EGF: variants seen among roughly 807,000 people sequenced by gnomAD.
EGF encodes epidermal growth factor, also known as pro-epidermal growth factor.
Under a neutral mutation model 143.8 loss-of-function variants are expected in EGF, and 95 were observed. The ratio of observed to expected loss-of-function variants is 0.66; its 90% CI spans 0.56 to 0.78. The LOEUF (loss-of-function observed/expected upper bound fraction) is 0.78, where lower values mean the gene tolerates loss of function less well. Ranked by LOEUF, EGF falls within the 30% of genes least tolerant of loss-of-function variation. The pLI is 0.00. For synonymous variants in EGF, 510 were observed against 510.5 expected (o/e 1.00, Z 0.01); for missense variants, 1,320 against 1,470.9 (o/e 0.90, Z 1.68).
intron 5 of EGF, among the ~76,000 whole-genome samples, chr4:109,947,400 A>G (rs1347284814): frequency 1.3e-5 from 2 of 150,684 alleles, no homozygotes; most frequent in South Asian, 4.2e-4. Context: ...TTTAAGATGG[A>G]GTCTTGCTCT....
chr4:109,987,719 T>A (rs377069383), intron 16 of EGF, 25 bp from the exon 17 acceptor site: 2 of 1,577,864 alleles, frequency 1.3e-6, no homozygotes, highest in African/African-American at 2.7e-5. Flanking sequence ...TAGAAATAAC[T>A]GCACGGGATT....
intron 9 of EGF, 62 bp downstream of exon 9, chr4:109,963,360 T>C (rs1438911166): frequency 1.2e-6 from 2 of 1,608,168 alleles, no homozygotes; most frequent in African/African-American, 1.3e-5. Context: ...ATCTTTTGTT[T>C]AGAAAGATGG....
chr4:109,919,303 C>G (rs922960422), intron 1 of EGF, among the ~76,000 whole-genome samples: 1,682 of 135,518 alleles, frequency 0.012, 27 homozygotes, highest in African/African-American at 0.045. Flanking sequence ...CTCTCTCTCT[C>G]TCTCTCTCTC....
intron 23 of EGF, among the ~76,000 whole-genome samples, chr4:110,008,478 G>A (rs904020349): frequency 8.5e-5 from 13 of 152,166 alleles, no homozygotes; most frequent in Admixed American, 3.3e-4. Context: ...CTTGCACTTT[G>A]AGCAAGAACA....
chr4:109,941,004 A>C lies in EGF; in HGVS notation c.186A>C (p.Glu62Asp). The C allele has an allele frequency of 1.2e-6, 2 of 1,614,112 alleles. No homozygotes were observed. The highest frequency in any genetic ancestry group is 1.7e-6 in the Non-Finnish European group (2 of 1,179,984). The change falls in exon 2 of 24, where the codon GAA becomes GAC. Residue 62 changes from glutamate (E) to aspartate (D), a missense_variant. Physicochemically the swap from Glu to Asp is conservative, Grantham distance 45 (BLOSUM62 2). Coordinates refer to ENST00000265171, the MANE Select transcript of EGF (RefSeq NM_001963.6). ...HGNSIFRIDT[E>D]GTNYEQLVVD... Reference sequence around the variant, plus strand: ...ATAGTATCTTTAGGATTGACACAGAAGGAACCAATTATGAGCAATTGGTGG... The same window carrying C: ...ATAGTATCTTTAGGATTGACACAGACGGAACCAATTATGAGCAATTGGTGG...
At chr4:109,990,400 G>A (rs1191329589) in intron 18 of EGF, among the ~76,000 whole-genome samples, 2 of 152,292 alleles carry the variant, frequency 1.3e-5, no homozygotes, top group East Asian at 3.9e-4. Flanking sequence ...AGATTTCAGG[G>A]AGGAAGTGTC....
At position 109,945,082 on chromosome 4, in the gene EGF, G is replaced by T; in HGVS notation, c.747G>T (p.Leu249Phe). The change falls in exon 5 of 24, where the codon TTG becomes TTT. Residue 249 changes from leucine (L) to phenylalanine (F), a missense_variant. By Grantham distance (22) the Leu-to-Phe change is conservative. Coordinates refer to ENST00000265171, the MANE Select transcript of EGF (RefSeq NM_001963.6). Reference protein sequence around the residue: ...HISKHPTQHNLFAMSLFGDRI... With the variant: ...HISKHPTQHNFFAMSLFGDRI... ...TGTGGTTGCTTTTTAGGCATAATTT[G>T]TTTGCAATGTCCCTTTTTGGTGACC... The T allele has an allele frequency of 1.2e-6, 2 of 1,614,054 alleles. No homozygotes were observed. Among genetic ancestry groups the T allele is most frequent in the Non-Finnish European group, 1.7e-6 (2 of 1,179,992 alleles).
chr4:110,008,282 G>A (rs1477865410), intron 23 of EGF, 52 bp downstream of exon 23: 1 of 1,601,800 alleles, frequency 6.2e-7, no homozygotes, highest in Admixed American at 1.7e-5. Context: ...CTTAGATCCT[G>A]ACTGTTTTTC....
Position 109,993,377 on chromosome 4 carries a change from G to A in EGF, c.2857+8G>A. On this transcript the variant is annotated splice_region_variant and intron_variant, in intron 19 of 23. Coordinates refer to ENST00000265171, the MANE Select transcript of EGF (RefSeq NM_001963.6). ...CAGGACTGATTTGCCCTGGTAGGTT[G>A]GTGGGTGGTCTACAGTGAAGGGGAG... 6.2e-7 allele frequency: 1 copy of A among 1,613,088 alleles called. No individual in the cohort carries two copies. Among genetic ancestry groups the A allele is most frequent in the Non-Finnish European group, 8.5e-7 (1 of 1,179,558 alleles).
At position 109,943,922 on chromosome 4, in the gene EGF, A is replaced by T. The variant is rs757775061; in HGVS notation, c.590A>T (p.Glu197Val). The part of the protein sequence containing the change: ...LDGVGVKALL[E>V]TSEKITAVSL... ...GGTGTGGGAGTGAAGGCTCTGTTGG[A>T]GACATCAGAGAAAATAACAGCTGTG... The change falls in exon 4 of 24, where the codon GAG becomes GTG. Residue 197 changes from glutamate to valine, a missense_variant. By Grantham distance (121) the Glu-to-Val change is moderately radical. Transcript: ENST00000265171. The T allele has an allele frequency of 6.8e-6, 11 of 1,614,184 alleles. No individual in the cohort carries two copies. In the South Asian group the frequency reaches 8.8e-5, roughly 13 times the overall value.
rs965412930 is a variant in EGF, at chr4:110,012,213, T to C, written c.*758T>C. ...TAAATTGCCTGATTTGTTTTCATTA[T>C]AGACAACGATGAATTTCTTCTAATT... On this transcript the variant is annotated 3_prime_UTR_variant, in exon 24 of 24. Transcript: ENST00000265171. 3.3e-5 allele frequency: 5 copies of C among 152,242 alleles called. No individual in the cohort carries two copies. Among genetic ancestry groups the C allele is most frequent in the African/African-American group, 7.2e-5 (3 of 41,464 alleles). The allele number at this position is 152,242 out of a possible 1,614,324, so 9.4% of individuals were successfully genotyped here.
At chr4:109,975,477 C>T (rs1281886540) in intron 12 of EGF, among the ~76,000 whole-genome samples, 1 of 152,072 alleles carries the variant, frequency 6.6e-6, no homozygotes, top group Non-Finnish European at 1.5e-5. Flanking sequence ...AAATTATGAA[C>T]CATATTGACT....
Position 109,923,159 on chromosome 4 carries a change from A to G in EGF, c.127+9697A>G, listed in dbSNP as rs1312158170. 2.0e-5 allele frequency among the ~76,000 whole-genome samples: 3 copies of G among 151,514 alleles called. 1 individual carries two copies. The highest frequency in any genetic ancestry group is 7.3e-5 in the African/African-American group (3 of 40,872). On this transcript the variant is annotated intron_variant, in intron 1 of 23. Coordinates refer to ENST00000265171, the MANE Select transcript of EGF (RefSeq NM_001963.6). ...TGTTACATATGTCTTCAAGAGAATTATATAAAATATTTTTTATGTATATTT... is the reference window on the plus strand; with the variant it reads ...TGTTACATATGTCTTCAAGAGAATTGTATAAAATATTTTTTATGTATATTT...
rs1168036243 is a variant in EGF, at chr4:109,927,723, C to CAA, written c.128-13206_128-13205dup. Among the ~76,000 whole-genome samples the CAA allele has an allele frequency of 9.3e-4, 48 of 51,568 alleles. 1 individual carries two copies. The highest frequency in any genetic ancestry group is 4.5e-3 in the East Asian group (10 of 2,228). 33.8% of individuals were successfully genotyped at this position (51,568 alleles called of 152,430 possible). ...TGGGCGACAGAGAGAGACACCGTCT[C>CAA]AAAAAAAAAAAAAAAAAAGACATGT... On this transcript the variant is annotated intron_variant, in intron 1 of 23. Transcript: ENST00000265171.
intron 1 of EGF, among the ~76,000 whole-genome samples, chr4:109,933,410 C>T (rs1348377406): frequency 6.7e-6 from 1 of 148,818 alleles, no homozygotes; most frequent in African/African-American, 2.5e-5. Flanking sequence ...CCTCTTGTAG[C>T]ATTTCTTTTT....
chr4:109,983,676 C>A, intron 16 of EGF, 135 bp downstream of exon 16: 2 of 1,199,086 alleles, frequency 1.7e-6, no homozygotes, highest in Admixed American at 1.9e-5. Context: ...ACCTTGGACT[C>A]AAGTCTGTCT....
intron 1 of EGF, among the ~76,000 whole-genome samples, chr4:109,926,008 G>C (rs1738576338): frequency 6.6e-6 from 1 of 152,130 alleles, no homozygotes. Context: ...CTTTGTACTG[G>C]ATGGGGAGTA....
chr4:109,962,048 C>G, intron 8 of EGF, 63 bp downstream of exon 8: 7 of 1,606,130 alleles, frequency 4.4e-6, no homozygotes, highest in Non-Finnish European at 5.1e-6. Flanking sequence ...TCAGTGACAT[C>G]TAAAAATTGA....
rs750159403 is a variant in EGF at position 110,004,508 on chromosome 4, T to C, written c.3177T>C (p.Thr1059=). ...LSLWGAHYYR[T]QKLLSKNPKN... ...TCAAATTTTGGCTTTATCACAGGAC[T>C]CAGAAGCTGCTATCGAAAAACCCAA... The change falls in exon 22 of 24, where the codon ACT becomes ACC. Residue 1059 remains threonine, a synonymous_variant. Transcript: ENST00000265171. 2 of 1,614,048 alleles carry C rather than the reference T, an allele frequency of 1.2e-6. No individual in the cohort carries two copies. Among genetic ancestry groups the C allele is most frequent in the Non-Finnish European group, 1.7e-6 (2 of 1,179,958 alleles).
Sources: allele counts gnomAD v4.1 joint callset (sites outside exome capture counted in the v4.1 genomes callset), GRCh38; gene constraint gnomAD v4.1.1; transcripts MANE v1.5; gene names NCBI Gene and HGNC (gene_info 2026-07-23, HGNC 2026-07-21).